Variants in HECW2 observed in about 807,000 individuals in gnomAD.
The protein encoded by HECW2 is HECT, C2 and WW domain containing E3 ubiquitin protein ligase 2, also known as E3 ubiquitin-protein ligase HECW2.
HECW2 carries 61 observed loss-of-function variants against 175.2 expected under a neutral mutation model. That is an observed-to-expected ratio of 0.35 (90% CI 0.28 to 0.43). The LOEUF is 0.43. HECW2 is among the 20% of genes least tolerant of loss of function. HECW2 has a pLI of 1.00. For synonymous variants in HECW2, 671 were observed against 731.0 expected (o/e 0.92, Z 1.32); for missense variants, 1,524 against 2,000.5 (o/e 0.76, Z 4.54).
At chr2:196,362,271 C>T in intron 2 of HECW2, 1 of 832,590 alleles carries the variant, frequency 1.2e-6, no homozygotes. Context: ...CCCTCAGCTT[C>T]CTTCCTTTGC....
At chr2:196,250,504 A>T (rs968242633) in intron 19 of HECW2, among the ~76,000 whole-genome samples, 1 of 152,226 alleles carries the variant, frequency 6.6e-6, no homozygotes, top group Non-Finnish European at 1.5e-5. Flanking sequence ...TCTATTTTAT[A>T]GAAAAAGAGA....
In HECW2 at chr2:196,199,481, CAT is replaced by C. The variant is rs1274655032; in HGVS notation, c.*1794_*1795del. On this transcript the variant is annotated 3_prime_UTR_variant, in exon 29 of 29. Coordinates refer to ENST00000644978, the MANE Select transcript of HECW2 (RefSeq NM_001348768.2). ...TCCTCTTGAGGGTCCCAGTAGTAAACATAGCTTAACTCACAGGAGAGCAATCA... is the reference window on the plus strand; with the variant it reads ...TCCTCTTGAGGGTCCCAGTAGTAAACAGCTTAACTCACAGGAGAGCAATCA... 6.6e-6 allele frequency: 1 copy of C among 152,552 alleles called. No individual in the cohort carries two copies. Among genetic ancestry groups the C allele is most frequent in the African/African-American group, 2.4e-5 (1 of 41,436 alleles). 9.4% of individuals were successfully genotyped at this position (152,552 alleles called of 1,614,324 possible). A position where few individuals can be genotyped will look rare whatever the true frequency, so the allele number is the denominator to read the frequency against.
intron 1 of HECW2, among the ~76,000 whole-genome samples, chr2:196,495,894 G>A (rs1687376051): frequency 6.6e-6 from 1 of 152,058 alleles, no homozygotes; most frequent in South Asian, 2.1e-4. Context: ...GTGAGCAGTG[G>A]GCGGAAAGTA....
intron 4 of HECW2, chr2:196,331,378 G>A (rs759366748): frequency 1.1e-5 from 7 of 647,212 alleles, no homozygotes; most frequent in East Asian, 1.4e-4. Context: ...CACACACTAC[G>A]CTGGACTATG....
intron 1 of HECW2, among the ~76,000 whole-genome samples, chr2:196,571,566 G>A (rs368627116): frequency 2.6e-5 from 4 of 151,984 alleles, no homozygotes; most frequent in Non-Finnish European, 4.4e-5. Context: ...AAAATTAGCC[G>A]GGTGTGCTGA....
chr2:196,423,664 A>C (rs1695464105), intron 2 of HECW2, among the ~76,000 whole-genome samples: 1 of 125,192 alleles, frequency 8.0e-6, no homozygotes, highest in Non-Finnish European at 1.7e-5. Context: ...CTTCTTTTTT[A>C]ATGAATGTAT....
At chr2:196,349,134 CT>C (rs1285643624) in intron 2 of HECW2, among the ~76,000 whole-genome samples, 1 of 152,182 alleles carries the variant, frequency 6.6e-6, no homozygotes, top group East Asian at 1.9e-4. Context: ...CTAGAGGGAC[CT>C]TCCACTCAAC....
chr2:196,432,426 G>A (rs1366948496), intron 2 of HECW2, among the ~76,000 whole-genome samples: 1 of 152,152 alleles, frequency 6.6e-6, no homozygotes, highest in Non-Finnish European at 1.5e-5. Flanking sequence ...TTTTTGTTTA[G>A]TTGGTAGGTT....
Position 196,319,436 on chromosome 2 carries a change from T to C in HECW2, c.1454A>G (p.Glu485Gly), listed in dbSNP as rs781547847. The C allele has an allele frequency of 3.7e-6, 6 of 1,613,694 alleles. No individual in the cohort carries two copies. The African/African-American group carries it at 8.0e-5, about 22-fold the overall frequency. The change falls in exon 9 of 29, where the codon GAG becomes GGG. Residue 485 changes from glutamate to glycine, a missense_variant. Transcript: ENST00000644978. ...CCTGCTAAACATGATCAGGCCTCCC[T>C]CCTCCTCCAAGGAAGATGGGTAACC... ...DLGYPSSLEE[E>G]GGLIMFSRAS...
At position 196,537,626 on chromosome 2, in the gene HECW2, G is replaced by A. The variant is rs545387713; in HGVS notation, c.-36+55882C>T. 2.9e-4 allele frequency among the ~76,000 whole-genome samples: 44 copies of A among 152,268 alleles called. 1 individual carries two copies. In the South Asian group the frequency reaches 8.7e-3, roughly 30 times the overall value. On this transcript the variant is annotated intron_variant, in intron 1 of 28. Transcript: ENST00000644978. ...GCAACTCCATCTTGAGTGAGGGCTA[G>A]GAAAATGAGGCTGAGACTTGCTGGG...
At chr2:196,357,985 A>G (rs1484432511) in intron 2 of HECW2, among the ~76,000 whole-genome samples, 2 of 152,210 alleles carry the variant, frequency 1.3e-5, no homozygotes, top group South Asian at 2.1e-4. Context: ...CAACAGAAGT[A>G]CATTTTCCTT....
chr2:196,344,732 C>T (rs1692889828), intron 2 of HECW2, among the ~76,000 whole-genome samples: 1 of 152,150 alleles, frequency 6.6e-6, no homozygotes, highest in South Asian at 2.1e-4. Flanking sequence ...CCAGATGTAC[C>T]TCATTTGTTT....
intron 1 of HECW2, among the ~76,000 whole-genome samples, chr2:196,575,619 T>A (rs1186461365): frequency 6.6e-6 from 1 of 152,164 alleles, no homozygotes; most frequent in Non-Finnish European, 1.5e-5. Context: ...ATGGGCTGCA[T>A]AGATGACAGC....
intron 1 of HECW2, among the ~76,000 whole-genome samples, chr2:196,510,982 T>C (rs1217116614): frequency 6.6e-6 from 1 of 151,040 alleles, no homozygotes; most frequent in Non-Finnish European, 1.5e-5. Context: ...TTTGTTTGTT[T>C]TGAGACAGGG....
intron 1 of HECW2, among the ~76,000 whole-genome samples, chr2:196,481,348 C>G (rs1157446907): frequency 6.6e-6 from 1 of 152,210 alleles, no homozygotes; most frequent in Admixed American, 6.5e-5. Flanking sequence ...AAAAGAGATA[C>G]AGTTATGCTT....
At chr2:196,353,175 G>GGTGTGGTCA (rs1195236871) in intron 2 of HECW2, among the ~76,000 whole-genome samples, 6 of 152,088 alleles carry the variant, frequency 3.9e-5, no homozygotes, top group African/African-American at 1.4e-4. Context: ...TTTGGCTCCA[G>GGTGTGGTCA]GGACATTGCT....
intron 21 of HECW2, among the ~76,000 whole-genome samples, chr2:196,231,242 C>T (rs1465641435): frequency 6.6e-6 from 1 of 152,044 alleles, no homozygotes; most frequent in Non-Finnish European, 1.5e-5. Flanking sequence ...TTGTCCAATG[C>T]CATCATTTTA....
Position 196,306,603 on chromosome 2 carries a change from C to G in HECW2, c.2699G>C (p.Arg900Pro), listed in dbSNP as rs774430051. Residue 900 changes from arginine to proline, a missense_variant, in exon 13 of 29, where the codon CGG becomes CCG. By Grantham distance (103) the Arg-to-Pro change is moderately radical (BLOSUM62 -2). Coordinates refer to ENST00000644978, the MANE Select transcript of HECW2 (RefSeq NM_001348768.2). Reference protein sequence around the residue: ...DFHQASADFRRENILPHSTSR... With the variant: ...DFHQASADFRPENILPHSTSR... ...GGTAGAGTGAGGCAGGATGTTCTCC[C>G]GTCGGAAATCTAGATGGGGCAGACC... 2.5e-6 allele frequency: 4 copies of G among 1,611,180 alleles called. No homozygotes were observed. Among genetic ancestry groups the G allele is most frequent in the South Asian group, 1.1e-5 (1 of 90,598 alleles).
chr2:196,364,568 C>T (rs1329912036), intron 2 of HECW2, among the ~76,000 whole-genome samples: 1 of 152,148 alleles, frequency 6.6e-6, no homozygotes, highest in Non-Finnish European at 1.5e-5. Context: ...TCCAGCAAAA[C>T]CAAGAGCAAC....
Sources: gnomAD v4.1 joint callset for allele counts (sites outside exome capture counted in the v4.1 genomes callset) on GRCh38, gnomAD v4.1.1 for gene constraint, MANE v1.5 for transcripts, NCBI Gene and HGNC (gene_info 2026-07-23, HGNC 2026-07-21) for gene names.